The following RAB3IL1 variants were observed in gnomAD, a reference collection of about 807,000 sequenced individuals.
RAB3IL1 encodes the protein guanine nucleotide exchange factor for Rab-3A.
RAB3IL1 carries 37 observed loss-of-function variants against 49.2 expected under a neutral mutation model. The observed-to-expected ratio is 0.75, with a 90% CI of 0.58 to 0.99. RAB3IL1 has a LOEUF of 0.99. RAB3IL1 is among the 50% of genes least tolerant of loss of function. The probability of loss-of-function intolerance (pLI) is 0.00; values close to 1 mark genes in which losing one functional copy is unlikely to be tolerated. For missense variants in RAB3IL1, 484 were observed against 513.0 expected (o/e 0.94, Z 0.55); for synonymous variants, 193 against 213.9 (o/e 0.90, Z 0.85).
chr11:61,934,460 A>G, the RAB3IL1 span, among the ~76,000 whole-genome samples: 1,135 of 21,924 alleles, frequency 0.052, 45 homozygotes, highest in Middle Eastern at 0.083. Flanking sequence ...GTATATATAT[A>G]TATATATATA....
At chr11:61,908,513 CTT>C (rs1230188074) in intron 1 of RAB3IL1, among the ~76,000 whole-genome samples, 1 of 152,254 alleles carries the variant, frequency 6.6e-6, no homozygotes, top group Non-Finnish European at 1.5e-5. Flanking sequence ...GCTTATTACT[CTT>C]TGTCAACCAC....
upstream of RAB3IL1, among the ~76,000 whole-genome samples, chr11:61,925,229 T>G (rs558816254): frequency 6.6e-6 from 1 of 152,222 alleles, no homozygotes; most frequent in Non-Finnish European, 1.5e-5. Context: ...CCCAGGTTTG[T>G]CTGACTCCAA....
chr11:61,898,231 G>C lies in RAB3IL1; in HGVS notation c.*47C>G, dbSNP rs373998891. 1 of 1,549,528 alleles carries C rather than the reference G, an allele frequency of 6.5e-7. No individual in the cohort carries two copies. Among genetic ancestry groups the C allele is most frequent in the Non-Finnish European group, 8.9e-7 (1 of 1,128,770 alleles). ...CCTGTGTGTCGGCTTGTTCTGGGGT[G>C]GGTGTTTGCTCTGTCTCAGAGCTCC... On this transcript the variant is annotated 3_prime_UTR_variant, in exon 10 of 10. Transcript: ENST00000394836. The surrounding 1 kb of genome is among the most constrained non-coding windows in gnomAD (Gnocchi z 5.1).
the RAB3IL1 span, among the ~76,000 whole-genome samples, chr11:61,945,298 C>T: frequency 6.6e-6 from 1 of 152,296 alleles, no homozygotes; most frequent in East Asian, 1.9e-4. Flanking sequence ...TGCCTGACAC[C>T]TGGTAAGTGG....
intron 1 of RAB3IL1, among the ~76,000 whole-genome samples, chr11:61,908,727 C>T: frequency 6.6e-6 from 1 of 152,212 alleles, no homozygotes; most frequent in South Asian, 2.1e-4. Flanking sequence ...AACCTTGACA[C>T]CTCGGATGCA....
the RAB3IL1 span, among the ~76,000 whole-genome samples, chr11:61,934,275 C>T: frequency 6.7e-6 from 1 of 148,368 alleles, no homozygotes; most frequent in Non-Finnish European, 1.5e-5. Flanking sequence ...TCCCAAAATG[C>T]TGGAATTACA....
At chr11:61,923,563 G>T (rs1348109195), upstream of RAB3IL1, among the ~76,000 whole-genome samples, 1 of 152,200 alleles carries the variant, frequency 6.6e-6, no homozygotes, top group Non-Finnish European at 1.5e-5. Context: ...AGGGCTGGGC[G>T]CTCAGCAGAG....
upstream of RAB3IL1, among the ~76,000 whole-genome samples, chr11:61,922,619 G>A (rs1303703807): frequency 5.3e-5 from 8 of 151,980 alleles, 1 homozygote; most frequent in African/African-American, 4.8e-5. Context: ...TTCCTGCCCC[G>A]TCCTCCTGCC....
chr11:61,911,439 G>A (rs1278072798), intron 1 of RAB3IL1, among the ~76,000 whole-genome samples: 2 of 152,140 alleles, frequency 1.3e-5, no homozygotes, highest in African/African-American at 4.8e-5. Flanking sequence ...GGGACCCTGG[G>A]CTCCTCGGGT....
chr11:61,938,785 G>A, the RAB3IL1 span, among the ~76,000 whole-genome samples: 8 of 152,054 alleles, frequency 5.3e-5, no homozygotes, highest in African/African-American at 1.9e-4. Context: ...ATTTAGCTGG[G>A]CATGGCAGTG....
At chr11:61,911,610 C>T (rs886668753) in intron 1 of RAB3IL1, among the ~76,000 whole-genome samples, 3 of 152,220 alleles carry the variant, frequency 2.0e-5, no homozygotes, top group Non-Finnish European at 4.4e-5. Context: ...CCTCCTCAGT[C>T]CGGGTCCACC....
intron 1 of RAB3IL1, among the ~76,000 whole-genome samples, chr11:61,908,888 C>T (rs1241408282): frequency 1.3e-5 from 2 of 152,170 alleles, no homozygotes; most frequent in East Asian, 3.9e-4. Context: ...CTTCCTGTCC[C>T]CCTGGACTTG....
chr11:61,926,804 C>T, the RAB3IL1 span, among the ~76,000 whole-genome samples: 4 of 152,006 alleles, frequency 2.6e-5, no homozygotes, highest in Admixed American at 1.3e-4. Context: ...CTGCCCGCCT[C>T]GGCCTCCCAA....
intron 2 of RAB3IL1, 43 bp from the exon 3 acceptor site, chr11:61,907,703 AG>A: frequency 6.3e-7 from 1 of 1,582,676 alleles, no homozygotes. Flanking sequence ...CAGCATCCCC[AG>A]GCCTGGCACG....
At chr11:61,913,356 C>T (rs971144486) in intron 1 of RAB3IL1, among the ~76,000 whole-genome samples, 18 of 152,120 alleles carry the variant, frequency 1.2e-4, no homozygotes, top group African/African-American at 4.3e-4. Flanking sequence ...GCCTGGGCCA[C>T]AGGGGAAGGG....
chr11:61,932,036 G>C, the RAB3IL1 span, among the ~76,000 whole-genome samples: 39,467 of 151,934 alleles, frequency 0.26, 5,557 homozygotes, highest in South Asian at 0.57. Flanking sequence ...CAGATCACAA[G>C]GTCAGGAGTT....
the RAB3IL1 span, among the ~76,000 whole-genome samples, chr11:61,932,474 C>G: frequency 6.6e-6 from 1 of 152,176 alleles, no homozygotes; most frequent in Non-Finnish European, 1.5e-5. Flanking sequence ...TCAAAAATAT[C>G]CATTTTAATA....
intron 1 of RAB3IL1, among the ~76,000 whole-genome samples, chr11:61,913,206 C>T (rs1354152194): frequency 1.3e-5 from 2 of 151,976 alleles, no homozygotes; most frequent in Admixed American, 6.5e-5. Flanking sequence ...CCAGAAAGGA[C>T]GAGAGTGTTG....
At chr11:61,928,461 C>T in the RAB3IL1 span, among the ~76,000 whole-genome samples, 2 of 151,782 alleles carry the variant, frequency 1.3e-5, no homozygotes, top group African/African-American at 4.8e-5. Flanking sequence ...ATACACGGAA[C>T]TAGGACCCTC....
Sources: gnomAD v4.1 joint callset for allele counts (sites outside exome capture counted in the v4.1 genomes callset) on GRCh38, gnomAD v4.1.1 for gene constraint, Gnocchi (gnomAD v3.1) non-coding constraint, MANE v1.5 for transcripts, NCBI Gene and HGNC (gene_info 2026-07-23, HGNC 2026-07-21) for gene names.